MAGI2: variants seen among roughly 807,000 people sequenced by gnomAD.
MAGI2 encodes membrane-associated guanylate kinase, WW and PDZ domain-containing protein 2.
Under a neutral mutation model 133.3 loss-of-function variants are expected in MAGI2, and 35 were observed. The observed-to-expected ratio is 0.26, with a 90% CI of 0.20 to 0.35. MAGI2 has a LOEUF of 0.35. Ranked by LOEUF, MAGI2 falls within the 10% of genes least tolerant of loss-of-function variation. The pLI is 1.00. For missense variants in MAGI2, 1,636 were observed against 1,863.4 expected (o/e 0.88, Z 2.25); for synonymous variants, 729 against 710.6 (o/e 1.03, Z -0.41).
intron 2 of MAGI2, among the ~76,000 whole-genome samples, chr7:78,933,331 C>A (rs557266785): frequency 6.6e-6 from 1 of 152,092 alleles, no homozygotes; most frequent in African/African-American, 2.4e-5. Flanking sequence ...AAAACAGTTT[C>A]TTTAACAGCA....
At chr7:78,136,138 T>TTAC (rs1822099918) in intron 16 of MAGI2, among the ~76,000 whole-genome samples, 1 of 149,986 alleles carries the variant, frequency 6.7e-6, no homozygotes, top group Admixed American at 6.6e-5. Flanking sequence ...TTTTTTGAGA[T>TTAC]GGAGTCTCAC....
At chr7:79,222,420 TTGGA>T (rs1830509169) in intron 1 of MAGI2, among the ~76,000 whole-genome samples, 1 of 152,090 alleles carries the variant, frequency 6.6e-6, no homozygotes, top group South Asian at 2.1e-4. Context: ...AATCATCTAG[TTGGA>T]TGGACCTAGG....
intron 10 of MAGI2, among the ~76,000 whole-genome samples, chr7:78,205,792 A>G (rs1481832585): frequency 6.6e-6 from 1 of 152,020 alleles, no homozygotes; most frequent in Non-Finnish European, 1.5e-5. Context: ...TTTCATTCAG[A>G]AAAAAAAGCC....
chr7:78,982,545 C>A (rs1273400514), intron 2 of MAGI2, among the ~76,000 whole-genome samples: 1 of 151,626 alleles, frequency 6.6e-6, no homozygotes, highest in African/African-American at 2.4e-5. Flanking sequence ...TCACAGTGAA[C>A]CTTGATAAGA....
At chr7:78,691,184 C>T (rs1457606522) in intron 2 of MAGI2, among the ~76,000 whole-genome samples, 1 of 152,160 alleles carries the variant, frequency 6.6e-6, no homozygotes, top group African/African-American at 2.4e-5. Context: ...TTCATCTTAT[C>T]CAAGAAACCT....
intron 2 of MAGI2, among the ~76,000 whole-genome samples, chr7:78,888,237 C>G (rs555048805): frequency 2.6e-4 from 40 of 152,298 alleles, no homozygotes; most frequent in African/African-American, 8.9e-4. Context: ...CCAGGAAGCT[C>G]GAATTGGGTG....
chr7:78,067,817 C>T (rs780807113), intron 21 of MAGI2, among the ~76,000 whole-genome samples: 2 of 152,166 alleles, frequency 1.3e-5, no homozygotes, highest in African/African-American at 2.4e-5. Context: ...TGGGGCAATG[C>T]TAACTTCGAG....
chr7:78,759,139 T>G (rs949934569), intron 2 of MAGI2, among the ~76,000 whole-genome samples: 7 of 152,176 alleles, frequency 4.6e-5, no homozygotes, highest in Non-Finnish European at 2.9e-5. Flanking sequence ...CAGAAATACA[T>G]TTTTAAAGCG....
intron 2 of MAGI2, among the ~76,000 whole-genome samples, chr7:78,859,221 A>G (rs1252128712): frequency 6.6e-6 from 1 of 152,052 alleles, no homozygotes; most frequent in Admixed American, 6.5e-5. Flanking sequence ...TTTTAATTGG[A>G]GCATTTAGCC....
intron 6 of MAGI2, among the ~76,000 whole-genome samples, chr7:78,475,422 A>G (rs2150438136): frequency 6.6e-6 from 1 of 152,134 alleles, no homozygotes; most frequent in African/African-American, 2.4e-5. Context: ...AACATATTTT[A>G]TTAAGTATAA....
intron 3 of MAGI2, among the ~76,000 whole-genome samples, chr7:78,551,789 G>A (rs933715507): frequency 2.6e-5 from 4 of 152,210 alleles, no homozygotes; most frequent in Middle Eastern, 3.2e-3. Context: ...TTGTTACCCA[G>A]GCTGGAGGGC....
intron 2 of MAGI2, among the ~76,000 whole-genome samples, chr7:78,934,337 C>T (rs918686353): frequency 1.1e-4 from 16 of 152,136 alleles, no homozygotes; most frequent in African/African-American, 3.9e-4. Context: ...CTGCTGACCT[C>T]AGTTGATCAG....
chr7:78,990,905 TACACACACACACAC>T (rs140828645), intron 2 of MAGI2, among the ~76,000 whole-genome samples: 8 of 141,494 alleles, frequency 5.7e-5, no homozygotes, highest in South Asian at 4.7e-4. Context: ...TATATGTACA[TACACACACACACAC>T]ACACACACAC....
At chr7:78,492,832 C>A (rs1793745481) in intron 5 of MAGI2, among the ~76,000 whole-genome samples, 1 of 152,170 alleles carries the variant, frequency 6.6e-6, no homozygotes, top group African/African-American at 2.4e-5. Flanking sequence ...GACACATACA[C>A]ATACATAGGC....
intron 10 of MAGI2, chr7:78,255,243 A>C (rs762888583): frequency 1.3e-5 from 2 of 153,530 alleles, no homozygotes; most frequent in Non-Finnish European, 2.9e-5. Context: ...CTTCTACCAC[A>C]CTTGGCACTG....
intron 3 of MAGI2, among the ~76,000 whole-genome samples, chr7:78,559,578 G>T (rs753261066): frequency 6.6e-6 from 1 of 151,366 alleles, no homozygotes; most frequent in African/African-American, 2.4e-5. Flanking sequence ...GCCGATGCTC[G>T]TGAGTATTAA....
At chr7:78,536,839 G>C (rs1797991360) in intron 3 of MAGI2, among the ~76,000 whole-genome samples, 1 of 149,754 alleles carries the variant, frequency 6.7e-6, no homozygotes, top group African/African-American at 2.5e-5. Context: ...TGGCTTGCTG[G>C]GAATAGGTAG....
intron 1 of MAGI2, among the ~76,000 whole-genome samples, chr7:79,392,250 G>A (rs1249866780): frequency 6.6e-6 from 1 of 152,050 alleles, no homozygotes; most frequent in Non-Finnish European, 1.5e-5. Flanking sequence ...TCTTTAACCA[G>A]TCTATGATTG....
chr7:79,162,627 A>G (rs1262100891), intron 1 of MAGI2, among the ~76,000 whole-genome samples: 1 of 152,118 alleles, frequency 6.6e-6, no homozygotes, highest in Non-Finnish European at 1.5e-5. Context: ...TTTTCTACTT[A>G]CTATAGAATT....
Sources: allele counts gnomAD v4.1 joint callset (sites outside exome capture counted in the v4.1 genomes callset), GRCh38; gene constraint gnomAD v4.1.1; transcripts MANE v1.5; gene names NCBI Gene and HGNC (gene_info 2026-07-23, HGNC 2026-07-21).